PPP1R9A: variants seen among roughly 807,000 people sequenced by gnomAD.
PPP1R9A encodes protein phosphatase 1 regulatory subunit 9A.
PPP1R9A carries 59 observed loss-of-function variants against 141.9 expected under a neutral mutation model. The ratio of observed to expected loss-of-function variants is 0.42; its 90% CI spans 0.34 to 0.52. The LOEUF (loss-of-function observed/expected upper bound fraction) is 0.52. PPP1R9A is among the 20% of genes least tolerant of loss of function. The probability of loss-of-function intolerance (pLI) is 0.10; values close to 1 mark genes in which losing one functional copy is unlikely to be tolerated. For synonymous variants in PPP1R9A, 500 were observed against 569.7 expected (o/e 0.88, Z 1.74); for missense variants, 1,444 against 1,611.9 (o/e 0.90, Z 1.78).
At chr7:95,273,414 C>T (rs1041216500) in intron 14 of PPP1R9A, among the ~76,000 whole-genome samples, 5 of 152,186 alleles carry the variant, frequency 3.3e-5, no homozygotes, top group African/African-American at 1.2e-4. Context: ...CTCTGACTTT[C>T]CCCCTAAATC....
chr7:95,006,024 C>G (rs1312527433), intron 2 of PPP1R9A, among the ~76,000 whole-genome samples: 3 of 151,822 alleles, frequency 2.0e-5, no homozygotes, highest in African/African-American at 7.3e-5. Flanking sequence ...TTGTAAAAAC[C>G]TTAGTGGTAT....
chr7:95,104,195 T>G (rs1819199143), intron 2 of PPP1R9A, among the ~76,000 whole-genome samples: 1 of 152,216 alleles, frequency 6.6e-6, no homozygotes, highest in Admixed American at 6.5e-5. Flanking sequence ...GCTTGCAGAT[T>G]AACAGCTTTT....
chr7:94,970,301 T>C (rs1465228750), intron 2 of PPP1R9A, among the ~76,000 whole-genome samples: 2 of 152,208 alleles, frequency 1.3e-5, no homozygotes, highest in African/African-American at 4.8e-5. Flanking sequence ...AAACTCCTGG[T>C]CTGCAGATTG....
At chr7:95,260,242 T>A (rs1202499337) in intron 12 of PPP1R9A, among the ~76,000 whole-genome samples, 1 of 152,200 alleles carries the variant, frequency 6.6e-6, no homozygotes, top group Admixed American at 6.5e-5. Context: ...TTAAAACTTT[T>A]GTTGCCAAAT....
chr7:95,266,393 A>T (rs947281221), intron 12 of PPP1R9A, among the ~76,000 whole-genome samples: 10 of 152,138 alleles, frequency 6.6e-5, no homozygotes, highest in Non-Finnish European at 1.5e-4. Context: ...GATGGAGCCT[A>T]TTGGAGAAAT....
chr7:95,059,733 A>G (rs1811970421), intron 2 of PPP1R9A, among the ~76,000 whole-genome samples: 1 of 152,194 alleles, frequency 6.6e-6, no homozygotes, highest in African/African-American at 2.4e-5. Flanking sequence ...ATTAGTCCCT[A>G]TAAAGGAACT....
chr7:94,999,625 T>A (rs1303053234), intron 2 of PPP1R9A, among the ~76,000 whole-genome samples: 1 of 152,164 alleles, frequency 6.6e-6, no homozygotes, highest in Non-Finnish European at 1.5e-5. Flanking sequence ...AGGGACTCAA[T>A]GAATATTCAT....
chr7:95,242,808 C>T (rs1797638197), intron 8 of PPP1R9A, among the ~76,000 whole-genome samples: 1 of 152,050 alleles, frequency 6.6e-6, no homozygotes, highest in Non-Finnish European at 1.5e-5. Flanking sequence ...TTATGCCCTC[C>T]TAATCCCAAC....
intron 2 of PPP1R9A, among the ~76,000 whole-genome samples, chr7:95,030,976 A>G (rs1312461364): frequency 6.6e-6 from 1 of 152,086 alleles, no homozygotes; most frequent in Admixed American, 6.6e-5. Flanking sequence ...TGGCTTATTC[A>G]GGGATTCTGG....
intron 2 of PPP1R9A, among the ~76,000 whole-genome samples, chr7:95,059,825 C>G (rs1231287811): frequency 6.6e-6 from 1 of 152,080 alleles, no homozygotes; most frequent in African/African-American, 2.4e-5. Context: ...CATTTTGGGA[C>G]TGTGGAAACC....
rs1793919013 is a variant in PPP1R9A, at chr7:95,218,758, A to G, written c.1957-7203A>G. Among the ~76,000 whole-genome samples the G allele has an allele frequency of 2.0e-5, 3 of 152,112 alleles. No individual in the cohort carries two copies. In the South Asian group the frequency reaches 6.2e-4, roughly 32 times the overall value. On this transcript the variant is annotated intron_variant, in intron 7 of 19. Coordinates refer to ENST00000433360, the MANE Select transcript of PPP1R9A (RefSeq NM_001166160.2). Reference sequence around the variant, plus strand: ...TGTCTCTTTTGATCTTTGCTGGTTTAAAGTCTGTTTTATCAGAGACTAGGA... The same window carrying G: ...TGTCTCTTTTGATCTTTGCTGGTTTGAAGTCTGTTTTATCAGAGACTAGGA...
At chr7:95,228,266 G>A (rs759754530) in intron 8 of PPP1R9A, among the ~76,000 whole-genome samples, 7 of 152,056 alleles carry the variant, frequency 4.6e-5, no homozygotes, top group Non-Finnish European at 7.4e-5. Context: ...CTCAAAGCTC[G>A]CATGTTTTTG....
Position 95,087,106 on chromosome 7 carries a change from T to G in PPP1R9A, c.1396-24153T>G, listed in dbSNP as rs184780310. Among the ~76,000 whole-genome samples the G allele has an allele frequency of 1.7e-3, 266 of 152,082 alleles. 5 individuals are homozygous for G. The highest frequency in any genetic ancestry group is 6.2e-3 in the African/African-American group (255 of 41,332). On this transcript the variant is annotated intron_variant, in intron 2 of 19. Transcript: ENST00000433360. ...AAAGCATAAGGCTGACCCATTTTAC[T>G]GAGTGTTCAAATTATGGTAATTTCA...
chr7:95,162,980 G>A (rs1156275390), intron 5 of PPP1R9A, among the ~76,000 whole-genome samples: 1 of 152,110 alleles, frequency 6.6e-6, no homozygotes, highest in African/African-American at 2.4e-5. Flanking sequence ...TAAAATAATT[G>A]CAAAACTGTG....
At chr7:94,963,337 T>C (rs760348062) in intron 2 of PPP1R9A, among the ~76,000 whole-genome samples, 1 of 152,122 alleles carries the variant, frequency 6.6e-6, no homozygotes, top group Non-Finnish European at 1.5e-5. Context: ...TTTTAAAGTA[T>C]AGTTTCTATT....
intron 2 of PPP1R9A, among the ~76,000 whole-genome samples, chr7:94,989,052 T>C (rs1027798782): frequency 8.6e-5 from 13 of 152,038 alleles, no homozygotes; most frequent in Non-Finnish European, 1.2e-4. Context: ...AGCTTTCAGA[T>C]TTTAGCTTGC....
At chr7:95,160,989 A>G (rs901037654) in intron 4 of PPP1R9A, among the ~76,000 whole-genome samples, 3 of 152,190 alleles carry the variant, frequency 2.0e-5, no homozygotes, top group Non-Finnish European at 4.4e-5. Flanking sequence ...GTGAACATGC[A>G]TGTATCATTT....
At chr7:95,056,018 AAT>A (rs1367542740) in intron 2 of PPP1R9A, among the ~76,000 whole-genome samples, 1 of 152,116 alleles carries the variant, frequency 6.6e-6, no homozygotes, top group African/African-American at 2.4e-5. Flanking sequence ...GTTGTATATA[AAT>A]ATGTTTCCAT....
intron 5 of PPP1R9A, among the ~76,000 whole-genome samples, chr7:95,196,350 T>C (rs558063327): frequency 6.6e-6 from 1 of 152,296 alleles, no homozygotes; most frequent in African/African-American, 2.4e-5. Context: ...GCAAAGCAAC[T>C]ACAGCTTTTA....
Sources: allele counts gnomAD v4.1 joint callset (sites outside exome capture counted in the v4.1 genomes callset), GRCh38; gene constraint gnomAD v4.1.1; transcripts MANE v1.5; gene names NCBI Gene and HGNC (gene_info 2026-07-23, HGNC 2026-07-21).